The following FAM227B variants were observed in gnomAD, a reference collection of about 807,000 sequenced individuals.
FAM227B encodes the protein family with sequence similarity 227 member B.
In FAM227B, 88 loss-of-function variants were observed where a neutral mutation model predicts 73.8. That is an observed-to-expected ratio of 1.19 (90% CI 1.00 to 1.42). FAM227B has a LOEUF of 1.42. Among genes scored for constraint, FAM227B ranks in the 40% most tolerant of loss-of-function variants. The pLI, the probability that FAM227B is intolerant of heterozygous loss-of-function variation, is 0.00. For missense variants in FAM227B, 632 were observed against 590.9 expected, an observed-to-expected ratio of 1.07 and a Z score of -0.72; for synonymous variants, 210 against 190.5, an observed-to-expected ratio of 1.10 and a Z score of -0.84.
rs887544859 is a variant in FAM227B, at chr15:49,584,563, G to C, written c.405+3453C>G. 5.9e-5 allele frequency among the ~76,000 whole-genome samples: 9 copies of C among 152,084 alleles called. 1 individual carries two copies. The highest frequency in any genetic ancestry group is 2.2e-4 in the African/African-American group (9 of 41,438). The stretch of plus-strand genomic sequence containing the variant: ...TAAAGGGCATCCAAATAGAAAGAAA[G>C]GAAGTCATACTACCCTGTTTTCAGG... On this transcript the variant is annotated intron_variant, in intron 5 of 15. Coordinates refer to ENST00000299338, the MANE Select transcript of FAM227B (RefSeq NM_152647.3).
At chr15:49,520,914 A>C (rs182881697) in intron 10 of FAM227B, among the ~76,000 whole-genome samples, 69 of 152,268 alleles carry the variant, frequency 4.5e-4, no homozygotes, top group African/African-American at 1.6e-3. Context: ...TCCCAGTGAA[A>C]GGATAGGTGG....
chr15:49,333,284 T>C (rs556872285), intron 14 of FAM227B, among the ~76,000 whole-genome samples: 2 of 152,362 alleles, frequency 1.3e-5, no homozygotes, highest in East Asian at 3.9e-4. Context: ...TTTCCTCTCA[T>C]GAGTATCTCT....
At chr15:49,383,626 ACAGTCC>A (rs1178290670) in intron 11 of FAM227B, among the ~76,000 whole-genome samples, 7 of 152,266 alleles carry the variant, frequency 4.6e-5, no homozygotes, top group South Asian at 2.1e-4. Context: ...GGCAAAAAGT[ACAGTCC>A]CACAAAATGA....
At chr15:49,534,040 AG>A (rs2060820055) in intron 10 of FAM227B, among the ~76,000 whole-genome samples, 1 of 151,768 alleles carries the variant, frequency 6.6e-6, no homozygotes, top group Admixed American at 6.6e-5. Flanking sequence ...GGTCTACTGT[AG>A]GTTTTTACTT....
At chr15:49,510,385 A>T (rs984337802) in intron 10 of FAM227B, among the ~76,000 whole-genome samples, 1 of 152,054 alleles carries the variant, frequency 6.6e-6, no homozygotes, top group Non-Finnish European at 1.5e-5. Context: ...TCTTAAGAAA[A>T]TTTTTTTATC....
chr15:49,403,442 A>C lies in FAM227B; in HGVS notation c.1013-32043T>G, dbSNP rs141079224. On this transcript the variant is annotated intron_variant, in intron 11 of 15. Transcript: ENST00000299338. ...TTTATTATCGCCTTAATTTCAGAAC[A>C]TGTTATTGATCTATTCAGGGATTCA... 7.3e-3 allele frequency among the ~76,000 whole-genome samples: 1,118 copies of C among 152,176 alleles called. 19 individuals carry two copies. Among genetic ancestry groups the C allele is most frequent in the African/African-American group, 0.025 (1,052 of 41,516 alleles).
At chr15:49,616,647 T>C (rs1419762377) in intron 1 of FAM227B, among the ~76,000 whole-genome samples, 1 of 152,186 alleles carries the variant, frequency 6.6e-6, no homozygotes, top group Non-Finnish European at 1.5e-5. Flanking sequence ...GAAAATAAAC[T>C]ACTGTTGTTT....
At chr15:49,585,789 A>G (rs943571440) in intron 5 of FAM227B, among the ~76,000 whole-genome samples, 1 of 152,184 alleles carries the variant, frequency 6.6e-6, no homozygotes, top group Non-Finnish European at 1.5e-5. Flanking sequence ...ACATGTATAC[A>G]TATGTAACTA....
At chr15:49,616,974 C>A (rs1322488126) in intron 1 of FAM227B, among the ~76,000 whole-genome samples, 1 of 152,008 alleles carries the variant, frequency 6.6e-6, no homozygotes, top group Non-Finnish European at 1.5e-5. Flanking sequence ...CCAGTTTTGG[C>A]CTTGTTGCTT....
intron 11 of FAM227B, chr15:49,396,383 C>CT (rs2047631920): frequency 4.3e-6 from 1 of 231,482 alleles, no homozygotes; most frequent in Admixed American, 5.2e-5. Context: ...GCACAGCAGT[C>CT]TGAGATCAAA....
intron 13 of FAM227B, among the ~76,000 whole-genome samples, chr15:49,345,351 A>C (rs1382157884): frequency 6.6e-6 from 1 of 151,838 alleles, no homozygotes; most frequent in Non-Finnish European, 1.5e-5. Flanking sequence ...TGTGCTGTAT[A>C]ATGAAGTGCT....
intron 11 of FAM227B, among the ~76,000 whole-genome samples, chr15:49,402,779 C>T (rs1302014198): frequency 6.6e-6 from 1 of 151,948 alleles, no homozygotes; most frequent in African/African-American, 2.4e-5. Context: ...CTTTCTTTCT[C>T]TTGCCTGATT....
rs185565335 is a variant in FAM227B, at chr15:49,580,083, A to T, written c.406-2419T>A. On this transcript the variant is annotated intron_variant, in intron 5 of 15. Transcript: ENST00000299338. ...TATAACCTGAAAACGAGACCACAAA[A>T]ATATAAATACATGTTAAAATTCTGA... Among the ~76,000 whole-genome samples, 29 of 152,350 alleles carry T rather than the reference A, an allele frequency of 1.9e-4. 1 individual carries two copies. In the South Asian group the frequency reaches 3.1e-3, roughly 16 times the overall value.
At chr15:49,417,925 G>C (rs1223484504) in intron 11 of FAM227B, among the ~76,000 whole-genome samples, 3 of 152,136 alleles carry the variant, frequency 2.0e-5, no homozygotes, top group Non-Finnish European at 4.4e-5. Context: ...CAATGCATCT[G>C]ACAAAGATTT....
intron 13 of FAM227B, among the ~76,000 whole-genome samples, chr15:49,354,919 T>A (rs997650196): frequency 2.0e-4 from 31 of 152,016 alleles, no homozygotes; most frequent in Non-Finnish European, 4.3e-4. Flanking sequence ...CCTCCTCAAG[T>A]GGGTCCCTGA....
At chr15:49,604,590 T>C (rs1488869589) in intron 3 of FAM227B, among the ~76,000 whole-genome samples, 1 of 152,122 alleles carries the variant, frequency 6.6e-6, no homozygotes, top group Non-Finnish European at 1.5e-5. Flanking sequence ...TTTATTTTGC[T>C]CTCTCAATTT....
chr15:49,447,265 A>G (rs1426917419), intron 11 of FAM227B, among the ~76,000 whole-genome samples: 1 of 151,690 alleles, frequency 6.6e-6, no homozygotes, highest in Non-Finnish European at 1.5e-5. Flanking sequence ...GAGCTTGAGA[A>G]TATTAACTAA....
Position 49,347,085 on chromosome 15 carries a change from G to A in FAM227B, c.1272-11589C>T, listed in dbSNP as rs117869964. Among the ~76,000 whole-genome samples the A allele has an allele frequency of 4.3e-3, 655 of 152,252 alleles. 1 individual carries two copies. Among genetic ancestry groups the A allele is most frequent in the Non-Finnish European group, 7.3e-3 (498 of 68,018 alleles). ...CTAGAATTATATGTAAAATAGGATT[G>A]CAGTTCTAGTAAGTTTCACTATTTA... On this transcript the variant is annotated intron_variant, in intron 13 of 15. Transcript: ENST00000299338.
At position 49,611,209 on chromosome 15, in the gene FAM227B, A is replaced by G. The variant is rs747183169; in HGVS notation, c.105+6T>C. ...AATGGCACATAAAATAAGATGCTTT[A>G]CTCACCCAATTTTGAAACTTTAAGA... is the stretch of plus-strand genomic sequence containing the variant. On this transcript the variant is annotated splice_donor_region_variant and intron_variant, in intron 3 of 15. Coordinates refer to ENST00000299338, the MANE Select transcript of FAM227B (RefSeq NM_152647.3). The G allele has an allele frequency of 3.2e-6, 5 of 1,563,704 alleles. No homozygotes were observed. In the Admixed American group the frequency reaches 8.4e-5, roughly 26 times the overall value.
Sources: allele counts gnomAD v4.1 joint callset (sites outside exome capture counted in the v4.1 genomes callset), GRCh38; gene constraint gnomAD v4.1.1; transcripts MANE v1.5; gene names NCBI Gene and HGNC (gene_info 2026-07-23, HGNC 2026-07-21).